CECR2: variants seen among roughly 807,000 people sequenced by gnomAD.
The protein encoded by CECR2 is chromatin remodeling regulator CECR2.
CECR2 carries 30 observed loss-of-function variants against 154.5 expected under a neutral mutation model. The ratio of observed to expected loss-of-function variants is 0.19; its 90% confidence interval spans 0.15 to 0.26. CECR2 has a LOEUF of 0.26. Ranked by LOEUF, CECR2 falls within the 10% of genes least tolerant of loss-of-function variation. The pLI is 1.00. For synonymous variants in CECR2, 725 were observed against 683.7 expected, an observed-to-expected ratio of 1.06 and a Z score of -0.94; for missense variants, 1,743 against 1,829.3, an observed-to-expected ratio of 0.95 and a Z score of 0.86.
At chr22:17,537,328 TTGGGTAACA>T (rs1163680232) in intron 10 of CECR2, 96 bp downstream of exon 10, 1 of 1,414,056 alleles carries the variant, frequency 7.1e-7, no homozygotes, top group African/African-American at 1.4e-5. Context: ...AACAGCCCTG[TTGGGTAACA>T]TGGTCACCAT....
At chr22:17,492,462 G>A (rs1025447788) in intron 2 of CECR2, among the ~76,000 whole-genome samples, 1 of 152,200 alleles carries the variant, frequency 6.6e-6, no homozygotes, top group Admixed American at 6.5e-5. Flanking sequence ...AGCAGTAGAA[G>A]CATGTTCTGT....
Position 17,538,968 on chromosome 22 carries a change from A to C in CECR2, c.1369-25A>C, listed in dbSNP as rs968604295. 3 of 1,607,354 alleles carry C rather than the reference A, an allele frequency of 1.9e-6. No individual in the cohort carries two copies. The South Asian group carries it at 3.3e-5, about 18-fold the overall frequency. On this transcript the variant is annotated intron_variant, in intron 12 of 18. Coordinates refer to ENST00000262608, the MANE Select transcript of CECR2 (RefSeq NM_001290047.2). Reference sequence around the variant, plus strand: ...TGTTTGCTCTCAGCATATTTTAACTATAAAGAGTTATGTGTCTCGTTTAGG... The same window carrying C: ...TGTTTGCTCTCAGCATATTTTAACTCTAAAGAGTTATGTGTCTCGTTTAGG...
intron 8 of CECR2, among the ~76,000 whole-genome samples, chr22:17,512,451 C>T (rs1005622920): frequency 4.6e-5 from 7 of 151,822 alleles, no homozygotes; most frequent in Admixed American, 2.0e-4. Flanking sequence ...GCCTGTAATC[C>T]GAGCACTTTA....
chr22:17,372,438 G>A (rs978816811), intron 1 of CECR2, among the ~76,000 whole-genome samples: 1 of 152,080 alleles, frequency 6.6e-6, no homozygotes, highest in Non-Finnish European at 1.5e-5. Flanking sequence ...GGCCGAGGTG[G>A]GTCGATCACC....
upstream of CECR2, among the ~76,000 whole-genome samples, chr22:17,367,231 T>C (rs760111326): frequency 8.6e-5 from 13 of 152,036 alleles, no homozygotes; most frequent in South Asian, 2.1e-4. Flanking sequence ...TACTAAAAGG[T>C]AGCCAAATCA....
At chr22:17,481,488 G>A (rs1203969468) in intron 2 of CECR2, among the ~76,000 whole-genome samples, 1 of 152,068 alleles carries the variant, frequency 6.6e-6, no homozygotes, top group Non-Finnish European at 1.5e-5. Context: ...GAAACACTAT[G>A]CCTAGTTCCT....
chr22:17,514,978 G>T (rs554398020), intron 8 of CECR2, among the ~76,000 whole-genome samples: 20 of 148,998 alleles, frequency 1.3e-4, no homozygotes, highest in African/African-American at 4.7e-4. Context: ...AGCCAAGATC[G>T]CACCACTGCA....
At chr22:17,443,708 G>A (rs1018045338) in intron 1 of CECR2, among the ~76,000 whole-genome samples, 1 of 152,008 alleles carries the variant, frequency 6.6e-6, no homozygotes, top group Non-Finnish European at 1.5e-5. Flanking sequence ...GCGACTTCCG[G>A]GTGACTCCCC....
chr22:17,502,939 TC>T, intron 5 of CECR2, 142 bp from the exon 6 acceptor site: 1 of 652,924 alleles, frequency 1.5e-6, no homozygotes, highest in Non-Finnish European at 2.7e-6. Flanking sequence ...TATTCAGCGT[TC>T]CGCCTCCAAG....
At chr22:17,419,019 G>A in intron 1 of CECR2, 1 of 169,282 alleles carries the variant, frequency 5.9e-6, no homozygotes, top group Non-Finnish European at 1.3e-5. Flanking sequence ...CCGGGGCCCT[G>A]GCCAAGGGCA....
chr22:17,549,001 A>G lies in CECR2; in HGVS notation c.3714A>G (p.Ser1238=), dbSNP rs375747559. 1 of 1,613,836 alleles carries G rather than the reference A, an allele frequency of 6.2e-7. No individual in the cohort carries two copies. The highest frequency in any genetic ancestry group is 8.5e-7 in the Non-Finnish European group (1 of 1,179,890). The change falls in exon 17 of 19, where the codon TCA becomes TCG. Residue 1238 remains serine (S), a synonymous_variant. Coordinates refer to ENST00000262608, the MANE Select transcript of CECR2 (RefSeq NM_001290047.2). ...SQPPPPRSLF[S]DKNAMASLQG... is the part of the protein sequence containing the mutation. The stretch of plus-strand genomic sequence containing the variant: ...CTCCCCCACCAAGGTCCCTCTTCTC[A>G]GATAAGAATGCCATGGCCAGTCTGC...
At chr22:17,509,232 CAGAT>C (rs1375296661) in intron 7 of CECR2, among the ~76,000 whole-genome samples, 1 of 151,460 alleles carries the variant, frequency 6.6e-6, no homozygotes, top group Non-Finnish European at 1.5e-5. Context: ...GCCTGGGCGA[CAGAT>C]GGAGAAAAAA....
intron 8 of CECR2, among the ~76,000 whole-genome samples, chr22:17,521,408 C>T (rs1253711142): frequency 2.0e-5 from 3 of 151,838 alleles, no homozygotes; most frequent in Non-Finnish European, 2.9e-5. Flanking sequence ...GGCGTGGTGG[C>T]GGGCGCCTGT....
chr22:17,525,285 C>CAA (rs1569142080), intron 9 of CECR2, among the ~76,000 whole-genome samples: 578 of 32,316 alleles, frequency 0.018, 195 homozygotes, highest in African/African-American at 0.025. Flanking sequence ...AACTCCATCT[C>CAA]CAAAAAAAAA....
At position 17,552,868 on chromosome 22, in the gene CECR2, T is replaced by C. The variant is rs368045700; in HGVS notation, c.*28T>C. 5.2e-6 allele frequency: 8 copies of C among 1,536,060 alleles called. No individual in the cohort carries two copies. In the African/African-American group the frequency reaches 8.5e-5, roughly 16 times the overall value. ...CAAGGAGGAAATGAGCCCCAAGCAATGGAAAGCTGCACACGAAGACTGGAA... is the reference window on the plus strand; with the variant it reads ...CAAGGAGGAAATGAGCCCCAAGCAACGGAAAGCTGCACACGAAGACTGGAA... On this transcript the variant is annotated 3_prime_UTR_variant, in exon 19 of 19. Transcript: ENST00000262608.
At chr22:17,547,278 G>A (rs2056629387) in intron 16 of CECR2, among the ~76,000 whole-genome samples, 1 of 151,120 alleles carries the variant, frequency 6.6e-6, no homozygotes. Flanking sequence ...CGCCCAGGCT[G>A]GAGTACAGTG....
At chr22:17,477,184 TAAAC>T (rs2055222411) in intron 1 of CECR2, 2 of 717,250 alleles carry the variant, frequency 2.8e-6, no homozygotes, top group Non-Finnish European at 5.2e-6. Flanking sequence ...AAATGTTTCA[TAAAC>T]AATTACATGA....
At chr22:17,435,928 C>CTTTCT (rs916395768) in intron 1 of CECR2, among the ~76,000 whole-genome samples, 17 of 151,992 alleles carry the variant, frequency 1.1e-4, no homozygotes, top group African/African-American at 4.1e-4. Flanking sequence ...ACTTTAGTTT[C>CTTTCT]TTTCTTTTCT....
At chr22:17,458,353 G>A (rs1647035445) in intron 1 of CECR2, among the ~76,000 whole-genome samples, 1 of 151,348 alleles carries the variant, frequency 6.6e-6, no homozygotes, top group Admixed American at 6.6e-5. Flanking sequence ...GTTGGAGGTT[G>A]CAGTGAGCTG....
Sources: gnomAD v4.1 joint callset for allele counts (sites outside exome capture counted in the v4.1 genomes callset) on GRCh38, gnomAD v4.1.1 for gene constraint, MANE v1.5 for transcripts, NCBI Gene and HGNC (gene_info 2026-07-23, HGNC 2026-07-21) for gene names.